CYP26A1: variants seen among roughly 807,000 people sequenced by gnomAD.
CYP26A1 encodes the protein cytochrome P450 26A1.
A neutral mutation model predicts 47.4 loss-of-function variants in CYP26A1; 46 were observed. The observed-to-expected ratio is 0.97, with a 90% confidence interval of 0.77 to 1.24. CYP26A1 has a LOEUF of 1.24. Among genes scored for constraint, CYP26A1 ranks in the 50% most tolerant of loss-of-function variants. The pLI is 0.00. For missense variants in CYP26A1, 680 were observed against 644.4 expected (o/e 1.06, Z -0.60); for synonymous variants, 277 against 263.7 (o/e 1.05, Z -0.49).
At position 93,076,955 on chromosome 10, in the gene CYP26A1, T is replaced by C; in HGVS notation, c.1153-8T>C. On this transcript the variant is annotated splice_region_variant and splice_polypyrimidine_tract_variant and intron_variant, in intron 6 of 6. Transcript: ENST00000224356. ...TGTCAGCCCTTGGGGTTTCATAATC[T>C]TTTGCAGGGATACCAGATTCCCAAG... The C allele has an allele frequency of 6.5e-7, 1 of 1,548,060 alleles. No individual in the cohort carries two copies. The highest frequency in any genetic ancestry group is 1.2e-5 in the South Asian group (1 of 83,654).
chr10:93,077,107 A>C lies in CYP26A1; in HGVS notation c.1297A>C (p.Ile433Leu), dbSNP rs1202954142. ...AGAGGATGCATCCAGGTTCAGCTTC[A>C]TTCCATTTGGAGGAGGCCTTAGGAG... ...HPEDASRFSF[I>L]PFGGGLRSCV... is the part of the protein sequence containing the mutation. The change falls in exon 7 of 7, where the codon ATT becomes CTT. Residue 433 changes from isoleucine to leucine, a missense_variant. Coordinates refer to ENST00000224356, the MANE Select transcript of CYP26A1 (RefSeq NM_000783.4). 4 of 1,614,116 alleles carry C rather than the reference A, an allele frequency of 2.5e-6. No homozygotes were observed. The highest frequency in any genetic ancestry group is 2.7e-5 in the African/African-American group (2 of 74,940).
rs767036258 is a variant in CYP26A1, at chr10:93,076,570, C to A, written c.1026C>A (p.Asp342Glu). ...GTTTACTTTGCAAGAGCAATCAAGACAACAAGTTGGACATGGAAATTTTGG... is the reference window on the plus strand; with the variant it reads ...GTTTACTTTGCAAGAGCAATCAAGAAAACAAGTTGGACATGGAAATTTTGG... Reference protein sequence around the residue: ...SKGLLCKSNQDNKLDMEILEQ... With the variant: ...SKGLLCKSNQENKLDMEILEQ... Residue 342 changes from aspartate to glutamate, a missense_variant, in exon 6 of 7, where the codon GAC becomes GAA. Physicochemically the swap from Asp to Glu is conservative, Grantham distance 45. Coordinates refer to ENST00000224356, the MANE Select transcript of CYP26A1 (RefSeq NM_000783.4). 10 of 1,608,440 alleles carry A rather than the reference C, an allele frequency of 6.2e-6. No individual in the cohort carries two copies. Among genetic ancestry groups the A allele is most frequent in the Non-Finnish European group, 6.8e-6 (8 of 1,175,776 alleles).
Position 93,077,192 on chromosome 10 carries a change from G to C in CYP26A1, c.1382G>C (p.Arg461Thr). 1 of 1,612,300 alleles carries C rather than the reference G, an allele frequency of 6.2e-7. No homozygotes were observed. The highest frequency in any genetic ancestry group is 8.5e-7 in the Non-Finnish European group (1 of 1,178,438). ...AAAATATTTACAGTGGAGCTGGCCA[G>C]GCATTGTGACTGGCAGCTTCTAAAT... ...LLKIFTVELA[R>T]HCDWQLLNGP... is the part of the protein sequence containing the mutation. The change falls in exon 7 of 7, where the codon AGG becomes ACG. Residue 461 changes from arginine (R) to threonine (T), a missense_variant. Physicochemically the swap from Arg to Thr is moderately conservative, Grantham distance 71. Coordinates refer to ENST00000224356, the MANE Select transcript of CYP26A1 (RefSeq NM_000783.4).
chr10:93,074,615 C>G lies in CYP26A1; in HGVS notation c.414+83C>G, dbSNP rs1846944803. The G allele has an allele frequency of 1.8e-6, 2 of 1,121,124 alleles. No individual in the cohort carries two copies. The highest frequency in any genetic ancestry group is 2.7e-6 in the Non-Finnish European group (2 of 741,626). The allele number at this position is 1,121,124 out of a possible 1,614,324, so 69.4% of individuals were successfully genotyped here. A position where few individuals can be genotyped will look rare whatever the true frequency, so the allele number is the denominator to read the frequency against. On this transcript the variant is annotated intron_variant, in intron 2 of 6. Coordinates refer to ENST00000224356, the MANE Select transcript of CYP26A1 (RefSeq NM_000783.4). This position sits in a 1 kb window ranked among gnomAD's most constrained non-coding sequence, Gnocchi z 5.3. ...CCGGCTGATGGATGCTAGGCGCGGG[C>G]TAGCAGCTTGAGGTGGGCTAGGACC...
At position 93,075,318 on chromosome 10, in the gene CYP26A1, G is replaced by T; in HGVS notation, c.864+11G>T. ...CGGCTGGACATGCAGGTGAGTAGCAGCTTCAGACCAGGCACTGCGGAGTTT... is the reference window on the plus strand; with the variant it reads ...CGGCTGGACATGCAGGTGAGTAGCATCTTCAGACCAGGCACTGCGGAGTTT... On this transcript the variant is annotated intron_variant, in intron 4 of 6. Coordinates refer to ENST00000224356, the MANE Select transcript of CYP26A1 (RefSeq NM_000783.4). The T allele has an allele frequency of 2.5e-6, 4 of 1,611,694 alleles. No individual in the cohort carries two copies. Among genetic ancestry groups the T allele is most frequent in the Non-Finnish European group, 3.4e-6 (4 of 1,178,282 alleles).
chr10:93,075,399 C>A (rs1846965859), intron 4 of CYP26A1, 92 bp downstream of exon 4: 11 of 1,248,126 alleles, frequency 8.8e-6, no homozygotes, highest in Middle Eastern at 2.5e-4. Context: ...GCGCCTGGGG[C>A]CCAGCTTTCT....
chr10:93,076,758 T>G, intron 6 of CYP26A1, 62 bp downstream of exon 6: 1 of 1,267,926 alleles, frequency 7.9e-7, no homozygotes, highest in South Asian at 1.3e-5. Flanking sequence ...CTTTCTTCCC[T>G]ATGCTGTGGC....
In CYP26A1 at chr10:93,074,788, C is replaced by T. The variant is rs765472185; in HGVS notation, c.424C>T (p.Arg142Trp). The change falls in exon 3 of 7, where the codon CGG becomes TGG. Residue 142 changes from arginine to tryptophan, a missense_variant. Transcript: ENST00000224356. This position sits in a 1 kb window ranked among gnomAD's most constrained non-coding sequence, Gnocchi z 5.3. ...SHKQRKKVIMRAFSREALECY... is the reference protein window; with the variant it reads ...SHKQRKKVIMWAFSREALECY... ...CCTCCTCGGGACTCAGGTGATTATG[C>T]GGGCCTTCAGCCGCGAGGCACTCGA... 14 of 1,602,850 alleles carry T rather than the reference C, an allele frequency of 8.7e-6. No individual in the cohort carries two copies. Among genetic ancestry groups the T allele is most frequent in the African/African-American group, 1.3e-5 (1 of 74,902 alleles).
chr10:93,074,261 C>T lies in CYP26A1; in HGVS notation c.190-47C>T, dbSNP rs1443308756. 29 of 1,516,406 alleles carry T rather than the reference C, an allele frequency of 1.9e-5. No homozygotes were observed. Among genetic ancestry groups the T allele is most frequent in the Non-Finnish European group, 2.5e-5 (28 of 1,099,840 alleles). The allele number at this position is 1,516,406 out of a possible 1,614,324, so 93.9% of individuals were successfully genotyped here. A position where few individuals can be genotyped will look rare whatever the true frequency, so the allele number is the denominator to read the frequency against. ...AGGGCTGGCGGGAGCGCGGCGCTCC[C>T]CGGCGCCCCCTCATGCCCACTTCTC... On this transcript the variant is annotated intron_variant, in intron 1 of 6. Transcript: ENST00000224356. The surrounding 1 kb of genome is among the most constrained non-coding windows in gnomAD (Gnocchi z 5.3).
rs767835603 is a variant in CYP26A1, at chr10:93,074,388, G to A, written c.270G>A (p.Arg90=). The part of the protein sequence containing the change: ...KTHLFGRPTV[R]VMGADNVRRI... ...ATCTGTTCGGGCGGCCCACCGTACG[G>A]GTGATGGGCGCGGACAATGTGCGGC... The change falls in exon 2 of 7, where the codon CGG becomes CGA. Residue 90 remains arginine, a synonymous_variant. Coordinates refer to ENST00000224356, the MANE Select transcript of CYP26A1 (RefSeq NM_000783.4). The surrounding 1 kb of genome is among the most constrained non-coding windows in gnomAD (Gnocchi z 5.3). 2 of 1,611,714 alleles carry A rather than the reference G, an allele frequency of 1.2e-6. No homozygotes were observed. The highest frequency in any genetic ancestry group is 1.7e-6 in the Non-Finnish European group (2 of 1,178,598).
chr10:93,074,684 T>G lies in CYP26A1; in HGVS notation c.415-95T>G. ...AGCTTTCCCAGCTCGGAGAGTGCCA[T>G]GTGTCTGGCAGGACTGGGGGTGTCT... On this transcript the variant is annotated intron_variant, in intron 2 of 6. Coordinates refer to ENST00000224356, the MANE Select transcript of CYP26A1 (RefSeq NM_000783.4). The surrounding 1 kb of genome is among the most constrained non-coding windows in gnomAD (Gnocchi z 5.3). The G allele has an allele frequency of 8.5e-7, 1 of 1,176,838 alleles. No homozygotes were observed. Among genetic ancestry groups the G allele is most frequent in the Non-Finnish European group, 1.2e-6 (1 of 815,376 alleles). 72.9% of individuals were successfully genotyped at this position (1,176,838 alleles called of 1,614,324 possible).
chr10:93,076,174 TC>T (rs1846975251), intron 5 of CYP26A1, among the ~76,000 whole-genome samples: 1 of 152,168 alleles, frequency 6.6e-6, no homozygotes, highest in African/African-American at 2.4e-5. Flanking sequence ...GACCTTGTAT[TC>T]CTACCCCTCC....
intron 6 of CYP26A1, 113 bp downstream of exon 6, chr10:93,076,809 G>A (rs1846983792): frequency 1.0e-6 from 1 of 980,552 alleles, no homozygotes; most frequent in Non-Finnish European, 1.5e-6. Context: ...GCCCTATATG[G>A]AGATATGTTT....
chr10:93,074,170 C>CGGCTCTG lies in CYP26A1; in HGVS notation c.189+52_189+58dup. On this transcript the variant is annotated intron_variant, in intron 1 of 6. Transcript: ENST00000224356. The surrounding 1 kb of genome is among the most constrained non-coding windows in gnomAD (Gnocchi z 5.3). ...CAGGCTGCTTCCCCGGAGCCCGGCGCGGCTCTGGGCTTCTGCTGAAGTCGG... is the reference window on the plus strand; with the variant it reads ...CAGGCTGCTTCCCCGGAGCCCGGCGCGGCTCTGGGCTCTGGGCTTCTGCTGAAGTCGG... 2.6e-6 allele frequency: 4 copies of CGGCTCTG among 1,520,074 alleles called. No homozygotes were observed. The highest frequency in any genetic ancestry group is 3.5e-6 in the Non-Finnish European group (4 of 1,131,678). The allele number at this position is 1,520,074 out of a possible 1,614,324, so 94.2% of individuals were successfully genotyped here.
intron 4 of CYP26A1, 42 bp from the exon 5 acceptor site, chr10:93,075,784 G>A (rs375356227): frequency 1.3e-5 from 20 of 1,546,932 alleles, no homozygotes; most frequent in East Asian, 2.3e-5. Flanking sequence ...CTGTCAAACC[G>A]CAGGCAGACT....
chr10:93,074,143 G>GGA lies in CYP26A1; in HGVS notation c.189+20_189+21insGA. 6 of 483,734 alleles carry GGA rather than the reference G, an allele frequency of 1.2e-5. No homozygotes were observed. Among genetic ancestry groups the GGA allele is most frequent in the Non-Finnish European group, 2.4e-5 (6 of 246,530 alleles). The allele number at this position is 483,734 out of a possible 1,614,324, so 30.0% of individuals were successfully genotyped here. A position where few individuals can be genotyped will look rare whatever the true frequency, so the allele number is the denominator to read the frequency against. On this transcript the variant is annotated intron_variant, in intron 1 of 6. Coordinates refer to ENST00000224356, the MANE Select transcript of CYP26A1 (RefSeq NM_000783.4). The surrounding 1 kb of genome is among the most constrained non-coding windows in gnomAD (Gnocchi z 5.3). ...CTGCAGGTAAGGGAGGGTGGGGCGG[G>GGA]ACAGGCTGCTTCCCCGGAGCCCGGC... is the stretch of plus-strand genomic sequence containing the variant.
upstream of CYP26A1, chr10:93,073,555 A>G (rs886754131): frequency 2.9e-5 from 7 of 241,966 alleles, no homozygotes; most frequent in African/African-American, 1.6e-4. Flanking sequence ...GATTCCAAAG[A>G]GACCGCCGGG....
chr10:93,074,128 G>C lies in CYP26A1; in HGVS notation c.189+5G>C. The C allele has an allele frequency of 6.5e-7, 1 of 1,533,446 alleles. No individual in the cohort carries two copies. Among genetic ancestry groups the C allele is most frequent in the Non-Finnish European group, 8.8e-7 (1 of 1,133,244 alleles). The allele number at this position is 1,533,446 out of a possible 1,614,324, so 95.0% of individuals were successfully genotyped here. ...ACCTTGCAGATGGTACTGCAGGTAA[G>C]GGAGGGTGGGGCGGGACAGGCTGCT... On this transcript the variant is annotated splice_donor_5th_base_variant and intron_variant, in intron 1 of 6. Coordinates refer to ENST00000224356, the MANE Select transcript of CYP26A1 (RefSeq NM_000783.4). This position sits in a 1 kb window ranked among gnomAD's most constrained non-coding sequence, Gnocchi z 5.3.
At position 93,073,928 on chromosome 10, in the gene CYP26A1, G is replaced by A. The variant is rs762155833; in HGVS notation, c.-7G>A. The A allele has an allele frequency of 1.1e-6, 1 of 918,008 alleles. No homozygotes were observed. Among genetic ancestry groups the A allele is most frequent in the Non-Finnish European group, 1.8e-6 (1 of 568,516 alleles). 56.9% of individuals were successfully genotyped at this position (918,008 alleles called of 1,614,324 possible). On this transcript the variant is annotated 5_prime_UTR_variant, in exon 1 of 7. Transcript: ENST00000224356. Reference sequence around the variant, plus strand: ...GCGGCAGGTGGCGCGGGAGGTCGCGGCGCGCCATGGGGCTCCCGGCGCTGC... The same window carrying A: ...GCGGCAGGTGGCGCGGGAGGTCGCGACGCGCCATGGGGCTCCCGGCGCTGC...
Sources: allele counts gnomAD v4.1 joint callset (sites outside exome capture counted in the v4.1 genomes callset), GRCh38; gene constraint gnomAD v4.1.1; non-coding constraint Gnocchi (gnomAD v3.1); transcripts MANE v1.5; gene names NCBI Gene and HGNC (gene_info 2026-07-23, HGNC 2026-07-21).